Variants in PACRG observed in about 807,000 individuals in gnomAD.
The protein encoded by PACRG is parkin coregulated gene protein.
In PACRG, 29 loss-of-function variants were observed where a neutral mutation model predicts 29.7. The ratio of observed to expected loss-of-function variants is 0.98; its 90% confidence interval spans 0.73 to 1.33. The LOEUF (loss-of-function observed/expected upper bound fraction) is 1.33. PACRG is among the 40% of genes most tolerant of loss of function. The pLI is 0.00. For missense variants in PACRG, 279 were observed against 316.2 expected (o/e 0.88, Z 0.89); for synonymous variants, 116 against 118.7 (o/e 0.98, Z 0.15).
At chr6:162,916,695 G>C (rs950040714) in intron 2 of PACRG, among the ~76,000 whole-genome samples, 1 of 152,064 alleles carries the variant, frequency 6.6e-6, no homozygotes, top group Non-Finnish European at 1.5e-5. Flanking sequence ...AATCTGTGCT[G>C]TCTCTGAGTC....
At chr6:163,167,783 G>A (rs1013556104) in intron 4 of PACRG, among the ~76,000 whole-genome samples, 1 of 152,172 alleles carries the variant, frequency 6.6e-6, no homozygotes, top group Non-Finnish European at 1.5e-5. Context: ...TTAAAGCTCT[G>A]TAAGGTTTTT....
At chr6:163,153,447 T>C (rs2128339175) in intron 4 of PACRG, among the ~76,000 whole-genome samples, 1 of 152,350 alleles carries the variant, frequency 6.6e-6, no homozygotes, top group South Asian at 2.1e-4. Flanking sequence ...AAAATTGTTT[T>C]CCAATTTATT....
At chr6:162,898,745 A>C (rs893898217) in intron 2 of PACRG, among the ~76,000 whole-genome samples, 9 of 152,238 alleles carry the variant, frequency 5.9e-5, no homozygotes, top group African/African-American at 2.2e-4. Context: ...GGAAGCACAC[A>C]ATAAATATTA....
intron 4 of PACRG, among the ~76,000 whole-genome samples, chr6:163,176,298 A>G (rs1316451530): frequency 6.6e-6 from 1 of 152,230 alleles, no homozygotes; most frequent in African/African-American, 2.4e-5. Context: ...CTTCAACAAT[A>G]AAAATTGTGC....
intron 1 of PACRG, among the ~76,000 whole-genome samples, chr6:162,737,593 TTTAA>T (rs1322704865): frequency 6.6e-6 from 1 of 152,200 alleles, no homozygotes; most frequent in African/African-American, 2.4e-5. Flanking sequence ...TGTCCACAGT[TTTAA>T]TTATTGTGGT....
At chr6:162,758,923 A>G (rs73015754) in intron 1 of PACRG, among the ~76,000 whole-genome samples, 4,378 of 152,346 alleles carry the variant, frequency 0.029, 81 homozygotes, top group South Asian at 0.045. Context: ...TCACTAAAAA[A>G]TGACATGATT....
chr6:162,786,704 A>G (rs530625721), intron 1 of PACRG, among the ~76,000 whole-genome samples: 2 of 150,370 alleles, frequency 1.3e-5, no homozygotes, highest in East Asian at 4.1e-4. Context: ...GGGGCTTTTG[A>G]TTGTTTGAAT....
chr6:163,012,184 T>G (rs1805677462), intron 2 of PACRG, among the ~76,000 whole-genome samples: 1 of 152,270 alleles, frequency 6.6e-6, no homozygotes, highest in African/African-American at 2.4e-5. Flanking sequence ...ATTGTACCCC[T>G]TTTATTCTAA....
At chr6:163,044,643 A>C (rs1453634924) in intron 2 of PACRG, 1 of 152,178 alleles carries the variant, frequency 6.6e-6, no homozygotes, top group African/African-American at 2.4e-5. Flanking sequence ...TATCATCGTC[A>C]CTTACAAAGA....
At chr6:162,869,274 T>A (rs1792593389) in intron 2 of PACRG, among the ~76,000 whole-genome samples, 1 of 152,272 alleles carries the variant, frequency 6.6e-6, no homozygotes, top group East Asian at 1.9e-4. Context: ...AGCCTGAAAG[T>A]CTTAGCATGT....
At chr6:163,249,777 G>A (rs964349211) in intron 4 of PACRG, among the ~76,000 whole-genome samples, 3 of 152,188 alleles carry the variant, frequency 2.0e-5, no homozygotes, top group Non-Finnish European at 2.9e-5. Context: ...CGTGGTGACC[G>A]GCTTCTGGGT....
intron 2 of PACRG, among the ~76,000 whole-genome samples, chr6:163,016,571 C>T (rs188260065): frequency 5.9e-5 from 9 of 151,832 alleles, no homozygotes; most frequent in Admixed American, 3.9e-4. Context: ...AAAAATATTT[C>T]GTCTGGCTTC....
At chr6:163,267,282 C>T (rs990257601) in intron 4 of PACRG, among the ~76,000 whole-genome samples, 6 of 152,198 alleles carry the variant, frequency 3.9e-5, no homozygotes, top group Non-Finnish European at 8.8e-5. Flanking sequence ...GTCCCCGCCT[C>T]TTCCTAACTG....
At chr6:163,103,503 TCTAA>T (rs1815213407) in intron 4 of PACRG, among the ~76,000 whole-genome samples, 1 of 152,236 alleles carries the variant, frequency 6.6e-6, no homozygotes, top group African/African-American at 2.4e-5. Flanking sequence ...TGTTAACTAA[TCTAA>T]CTTTGTTCCA....
At chr6:163,178,530 CT>C (rs1273070799) in intron 4 of PACRG, among the ~76,000 whole-genome samples, 1 of 152,182 alleles carries the variant, frequency 6.6e-6, no homozygotes, top group African/African-American at 2.4e-5. Flanking sequence ...AAGCCCCGTT[CT>C]TCTCTGACTT....
chr6:162,728,118 T>G lies in PACRG; in HGVS notation c.-118T>G, dbSNP rs1023580179. 4 of 1,272,216 alleles carry G rather than the reference T, an allele frequency of 3.1e-6. No individual in the cohort carries two copies. The Admixed American group carries it at 8.2e-5, about 26-fold the overall frequency. The allele number at this position is 1,272,216 out of a possible 1,614,324, so 78.8% of individuals were successfully genotyped here. ...GATCAACCTGGGCACTACGAGGGGT[T>G]GAATTTCTACCATTATCGCGCCTTT... On this transcript the variant is annotated 5_prime_UTR_variant, in exon 1 of 5. Transcript: ENST00000366888.
rs147952082 is a variant in PACRG at position 162,877,516 on chromosome 6, A to G, written c.291+63235A>G. On this transcript the variant is annotated intron_variant, in intron 2 of 4. Transcript: ENST00000366888. ...GGGTTGATGGGTGCAGCAAACCACC[A>G]TGACACATGTATACCTATGTAACAA... Among the ~76,000 whole-genome samples, 348 of 152,246 alleles carry G rather than the reference A, an allele frequency of 2.3e-3. 1 individual carries two copies. The East Asian group carries it at 0.032, about 14-fold the overall frequency.
intron 4 of PACRG, among the ~76,000 whole-genome samples, chr6:163,247,765 T>A (rs1397156944): frequency 6.6e-6 from 1 of 152,170 alleles, no homozygotes; most frequent in African/African-American, 2.4e-5. Flanking sequence ...CTTCACCGTC[T>A]ACCTGCCACT....
chr6:162,961,724 A>G (rs1043226249), intron 2 of PACRG, among the ~76,000 whole-genome samples: 2 of 151,998 alleles, frequency 1.3e-5, no homozygotes, highest in African/African-American at 4.8e-5. Flanking sequence ...CACCATCTTC[A>G]TTTCTACCCG....
Sources: allele counts gnomAD v4.1 joint callset (sites outside exome capture counted in the v4.1 genomes callset), GRCh38; gene constraint gnomAD v4.1.1; transcripts MANE v1.5; gene names NCBI Gene and HGNC (gene_info 2026-07-23, HGNC 2026-07-21).